Variants in RANBP2 observed in about 807,000 individuals in gnomAD.
RANBP2 encodes E3 SUMO-protein ligase RanBP2.
RANBP2 carries 57 observed loss-of-function variants against 303.6 expected under a neutral mutation model. The observed-to-expected ratio is 0.19, with a 90% confidence interval of 0.15 to 0.23. RANBP2 has a LOEUF of 0.23. Ranked by LOEUF, RANBP2 falls within the 10% of genes least tolerant of loss-of-function variation. The probability of loss-of-function intolerance (pLI) is 1.00; values close to 1 mark genes in which losing one functional copy is unlikely to be tolerated. For synonymous variants in RANBP2, 1,167 were observed against 1,301.5 expected (o/e 0.90, Z 2.23); for missense variants, 3,138 against 3,780.8 (o/e 0.83, Z 4.46).
the RANBP2 span, among the ~76,000 whole-genome samples, chr2:109,574,929 C>T: frequency 6.6e-5 from 10 of 152,252 alleles, no homozygotes; most frequent in East Asian, 1.4e-3. Context: ...GCAGAACATG[C>T]GCAAAAGCTA....
At chr2:109,221,437 G>T in the RANBP2 span, among the ~76,000 whole-genome samples, 1 of 152,160 alleles carries the variant, frequency 6.6e-6, no homozygotes, top group Admixed American at 6.5e-5. Flanking sequence ...ACAAAAATTA[G>T]CCAAGTGTGG....
chr2:108,733,325 G>A (rs957494474), intron 4 of RANBP2, among the ~76,000 whole-genome samples: 4 of 137,626 alleles, frequency 2.9e-5, no homozygotes, highest in African/African-American at 1.1e-4. Context: ...GAGTGCAGTG[G>A]TGCTACCTCG....
chr2:109,647,812 ACT>A, the RANBP2 span, among the ~76,000 whole-genome samples: 1 of 152,178 alleles, frequency 6.6e-6, no homozygotes, highest in African/African-American at 2.4e-5. Flanking sequence ...GAGAAGCAAA[ACT>A]AGGCTTGCTT....
At chr2:109,386,840 C>G in the RANBP2 span, among the ~76,000 whole-genome samples, 2 of 152,126 alleles carry the variant, frequency 1.3e-5, no homozygotes, top group Non-Finnish European at 2.9e-5. Flanking sequence ...CCAAAGACAC[C>G]AAAGGCTCTT....
At chr2:109,760,354 G>C in the RANBP2 span, 1 of 186,428 alleles carries the variant, frequency 5.4e-6, no homozygotes, top group East Asian at 2.2e-4. Flanking sequence ...AGCGGCGGCG[G>C]CGGCGGCGCA....
At chr2:109,069,452 A>G in the RANBP2 span, among the ~76,000 whole-genome samples, 1 of 152,246 alleles carries the variant, frequency 6.6e-6, no homozygotes, top group Non-Finnish European at 1.5e-5. Flanking sequence ...TCACTCGTGA[A>G]GCCATCAGGA....
At chr2:108,890,903 A>G in the RANBP2 span, among the ~76,000 whole-genome samples, 2 of 152,134 alleles carry the variant, frequency 1.3e-5, no homozygotes, top group African/African-American at 4.8e-5. Context: ...CAAAAATGCT[A>G]TCTTCAAGTT....
At chr2:109,135,950 C>G in the RANBP2 span, among the ~76,000 whole-genome samples, 13 of 152,282 alleles carry the variant, frequency 8.5e-5, no homozygotes, top group East Asian at 2.5e-3. Flanking sequence ...GCTGATCCAG[C>G]CTGTTGGCAG....
the RANBP2 span, among the ~76,000 whole-genome samples, chr2:109,690,991 T>C: frequency 1.3e-5 from 2 of 152,170 alleles, no homozygotes; most frequent in Admixed American, 6.5e-5. Flanking sequence ...CAGCCAGTTC[T>C]GCAGGTTTGA....
At chr2:109,251,720 AG>A in the RANBP2 span, 3 of 769,180 alleles carry the variant, frequency 3.9e-6, no homozygotes, top group Admixed American at 6.6e-5. Flanking sequence ...TGTAAAAATT[AG>A]GTCGTGTACA....
At chr2:109,733,853 C>T in the RANBP2 span, among the ~76,000 whole-genome samples, 2 of 149,318 alleles carry the variant, frequency 1.3e-5, no homozygotes, top group Non-Finnish European at 3.0e-5. Context: ...GCCTAGACAA[C>T]AGAGCCAGAT....
chr2:108,860,204 G>C, the RANBP2 span, among the ~76,000 whole-genome samples: 1 of 151,960 alleles, frequency 6.6e-6, no homozygotes. Flanking sequence ...TGTATCTTCA[G>C]ACTTCACTGA....
the RANBP2 span, among the ~76,000 whole-genome samples, chr2:109,358,994 T>C: frequency 6.6e-6 from 1 of 152,050 alleles, no homozygotes; most frequent in Non-Finnish European, 1.5e-5. Flanking sequence ...ATTTTTTGCA[T>C]GTGGATGTCT....
the RANBP2 span, among the ~76,000 whole-genome samples, chr2:108,940,521 G>A: frequency 3.3e-5 from 5 of 152,244 alleles, no homozygotes; most frequent in Non-Finnish European, 5.9e-5. Context: ...TGTACTCTGG[G>A]CTCCCCTGGG....
At chr2:109,380,317 G>C in the RANBP2 span, among the ~76,000 whole-genome samples, 1 of 151,994 alleles carries the variant, frequency 6.6e-6, no homozygotes, top group Non-Finnish European at 1.5e-5. Context: ...TGATTGTTTT[G>C]TCTCCCTAAG....
downstream of RANBP2, chr2:108,788,202 T>G: frequency 2.0e-6 from 2 of 1,024,202 alleles, no homozygotes; most frequent in Non-Finnish European, 2.8e-6. Flanking sequence ...GCGAATCACC[T>G]GAGGTCAGGA....
At chr2:109,160,427 C>T in the RANBP2 span, among the ~76,000 whole-genome samples, 1 of 152,232 alleles carries the variant, frequency 6.6e-6, no homozygotes, top group African/African-American at 2.4e-5. Flanking sequence ...GGTAGCCATG[C>T]AGCCTTGTGC....
At chr2:109,233,370 C>T in the RANBP2 span, among the ~76,000 whole-genome samples, 2 of 152,090 alleles carry the variant, frequency 1.3e-5, no homozygotes, top group African/African-American at 2.4e-5. Context: ...GTTTGGCTGT[C>T]CCCAGCTGAA....
the RANBP2 span, among the ~76,000 whole-genome samples, chr2:109,168,707 T>A: frequency 6.6e-6 from 1 of 152,210 alleles, no homozygotes; most frequent in Non-Finnish European, 1.5e-5. Context: ...TCTGTTGTGA[T>A]GCCTTCTGGC....
Sources: allele counts gnomAD v4.1 joint callset (sites outside exome capture counted in the v4.1 genomes callset), GRCh38; gene constraint gnomAD v4.1.1; transcripts MANE v1.5; gene names NCBI Gene and HGNC (gene_info 2026-07-23, HGNC 2026-07-21).